Variants in TFIP11 observed in about 807,000 individuals in gnomAD.
TFIP11 encodes tuftelin-interacting protein 11.
A neutral mutation model predicts 96.8 loss-of-function variants in TFIP11; 86 were observed. The ratio of observed to expected loss-of-function variants is 0.89; its 90% CI spans 0.75 to 1.06. The LOEUF (loss-of-function observed/expected upper bound fraction) is 1.06. Among genes scored for constraint, TFIP11 ranks in the 50% least tolerant of loss-of-function variants. TFIP11 has a pLI of 0.00. For missense variants in TFIP11, 881 were observed against 1,076.7 expected (o/e 0.82, Z 2.54); for synonymous variants, 405 against 395.2 (o/e 1.02, Z -0.29).
At chr22:26,498,258 T>C (rs1047494049) in intron 10 of TFIP11, among the ~76,000 whole-genome samples, 7 of 151,958 alleles carry the variant, frequency 4.6e-5, no homozygotes, top group Non-Finnish European at 7.4e-5. Context: ...AGACTACAAA[T>C]TGAACCAGGC....
chr22:26,498,943 C>T lies in TFIP11; in HGVS notation c.1362G>A (p.Lys454=). The change falls in exon 10 of 15, where the codon AAG becomes AAA. Residue 454 remains lysine, a synonymous_variant. Coordinates refer to ENST00000407690, the MANE Select transcript of TFIP11 (RefSeq NM_012143.4). ...DCTYGTEIIS[K]WKSLLENDQL... ...GGTCATTCTCTAGGAGGCTTTTCCA[C>T]TTAGAGATGATCTCGGTGCCATAAG... is the stretch of plus-strand genomic sequence containing the variant. 6.2e-7 allele frequency: 1 copy of T among 1,613,952 alleles called. No individual in the cohort carries two copies. The highest frequency in any genetic ancestry group is 8.5e-7 in the Non-Finnish European group (1 of 1,179,982).
intron 13 of TFIP11, 45 bp from the exon 14 acceptor site, chr22:26,494,349 A>C (rs1323860629): frequency 6.2e-7 from 1 of 1,613,004 alleles, no homozygotes. Context: ...GCAACAAATG[A>C]AGGCAAGATT....
In TFIP11 at chr22:26,512,086, G is replaced by C. The variant is rs1924139351; in HGVS notation, c.-96+13C>G. 6.6e-6 allele frequency: 1 copy of C among 152,190 alleles called. No individual in the cohort carries two copies. The highest frequency in any genetic ancestry group is 1.5e-5 in the Non-Finnish European group (1 of 68,044). 9.4% of individuals were successfully genotyped at this position (152,190 alleles called of 1,614,324 possible). On this transcript the variant is annotated intron_variant, in intron 2 of 14. Transcript: ENST00000407690. ...GATAAGAAAAAGGAGGTTCAGAGAAGTTAGTAACTTACCCTAGGTTCCACT... is the reference window on the plus strand; with the variant it reads ...GATAAGAAAAAGGAGGTTCAGAGAACTTAGTAACTTACCCTAGGTTCCACT...
Position 26,499,574 on chromosome 22 carries a change from G to T in TFIP11, c.859C>A (p.His287Asn). 6.2e-7 allele frequency: 1 copy of T among 1,614,080 alleles called. No individual in the cohort carries two copies. The highest frequency in any genetic ancestry group is 8.5e-7 in the Non-Finnish European group (1 of 1,180,040). Reference sequence around the variant, plus strand: ...CCATCATCGGGAACGTTGTGCTTGTGGCTGATCTGACTGTAGCTGTAGTAG... The same window carrying T: ...CCATCATCGGGAACGTTGTGCTTGTTGCTGATCTGACTGTAGCTGTAGTAG... ...KVYYSYSQIS[H>N]KHNVPDDGLP... Residue 287 changes from histidine to asparagine, a missense_variant, in exon 9 of 15, where the codon CAC (histidine) becomes AAC (asparagine). By Grantham distance (68) the His-to-Asn change is moderately conservative. Transcript: ENST00000407690.
intron 6 of TFIP11, among the ~76,000 whole-genome samples, 185 bp from the exon 7 acceptor site, chr22:26,503,978 C>T (rs1923116587): frequency 6.6e-6 from 1 of 152,156 alleles, no homozygotes; most frequent in Non-Finnish European, 1.5e-5. Context: ...AACTTATGAG[C>T]ATTTATGCTA....
chr22:26,507,375 C>A (rs922302317), intron 4 of TFIP11, among the ~76,000 whole-genome samples: 2 of 151,816 alleles, frequency 1.3e-5, no homozygotes, highest in Non-Finnish European at 2.9e-5. Flanking sequence ...TTATATTAAT[C>A]AAACTTAGAA....
Position 26,499,246 on chromosome 22 carries a change from G to A in TFIP11, c.1187C>T (p.Thr396Ile), listed in dbSNP as rs1021519244. ...GAAGATGCGGGCACACTCGTCCAGG[G>A]TGAGGGGGTTGCTGCAGTCGGGCTG... ...RMQPDCSNPLTLDECARIFET... is the reference protein window; with the variant it reads ...RMQPDCSNPLILDECARIFET... The change falls in exon 9 of 15, where the codon ACC (threonine) becomes ATC (isoleucine). Residue 396 changes from threonine to isoleucine, a missense_variant. By Grantham distance (89) the Thr-to-Ile change is moderately conservative (BLOSUM62 -1). Transcript: ENST00000407690. 5.6e-6 allele frequency: 9 copies of A among 1,613,862 alleles called. No individual in the cohort carries two copies. Among genetic ancestry groups the A allele is most frequent in the Non-Finnish European group, 7.6e-6 (9 of 1,179,954 alleles).
chr22:26,498,877 G>C lies in TFIP11; in HGVS notation c.1428C>G (p.Ala476=). 1 of 1,613,812 alleles carries C rather than the reference G, an allele frequency of 6.2e-7. No homozygotes were observed. Residue 476 remains alanine (A), a synonymous_variant, in exon 10 of 15, where the codon GCC becomes GCG. Coordinates refer to ENST00000407690, the MANE Select transcript of TFIP11 (RefSeq NM_012143.4). ...CCTGCTCTGTGGTGTACCTGTGAAA[G>C]GCATCTGCTGAGAGGTCCTGTCCGC... The part of the protein sequence containing the change: ...SHGGQDLSAD[A]FHRLIWEVWM...
chr22:26,511,798 G>C (rs1473533924), intron 2 of TFIP11: 1 of 152,206 alleles, frequency 6.6e-6, no homozygotes, highest in Non-Finnish European at 1.5e-5. Context: ...TGGTGCACCG[G>C]TTGGGTGCAA....
chr22:26,505,302 A>G (rs1291039997), intron 6 of TFIP11, among the ~76,000 whole-genome samples: 4 of 152,184 alleles, frequency 2.6e-5, no homozygotes, highest in African/African-American at 9.7e-5. Flanking sequence ...AGAAGACAGG[A>G]GGAGACTGGG....
chr22:26,509,673 T>G (rs1259790389), intron 4 of TFIP11, among the ~76,000 whole-genome samples: 1 of 152,068 alleles, frequency 6.6e-6, no homozygotes, highest in Non-Finnish European at 1.5e-5. Context: ...CTGGCCAACA[T>G]GGCAAAACCC....
In TFIP11 at chr22:26,496,650, T is replaced by C. The variant is rs371364875; in HGVS notation, c.1605+71A>G. On this transcript the variant is annotated intron_variant, in intron 11 of 14. Coordinates refer to ENST00000407690, the MANE Select transcript of TFIP11 (RefSeq NM_012143.4). ...TCCAGGCGTTTTAACAGCACTGAGA[T>C]AATGAAGCCACAGACTGAACAAGTC... 388 of 1,556,434 alleles carry C rather than the reference T, an allele frequency of 2.5e-4. 3 individuals are homozygous for C. In the African/African-American group the frequency reaches 4.3e-3, roughly 17 times the overall value.
In TFIP11 at chr22:26,510,235, C is replaced by A. The variant is rs199753073; in HGVS notation, c.38G>T (p.Arg13Leu). Residue 13 changes from arginine (R) to leucine (L), a missense_variant, in exon 4 of 15, where the codon CGC (arginine) becomes CTC (leucine). By Grantham distance (102) the Arg-to-Leu change is moderately radical. Transcript: ENST00000407690. ...CCGCTCGTCATCATCATCATCAATG[C>A]GGCCTTCCCCATCCCGGTATAAGTG... is the stretch of plus-strand genomic sequence containing the variant. ...LSHLYRDGEG[R>L]IDDDDDEREN... 23 of 1,614,114 alleles carry A rather than the reference C, an allele frequency of 1.4e-5. No homozygotes were observed. Among genetic ancestry groups the A allele is most frequent in the Non-Finnish European group, 1.9e-5 (23 of 1,180,040 alleles).
rs74334826 is a variant in TFIP11 at position 26,503,729 on chromosome 22, G to A, written c.585C>T (p.Ser195=). 23,325 of 1,613,864 alleles carry A rather than the reference G, an allele frequency of 0.014. 210 individuals carry two copies. Among genetic ancestry groups the A allele is most frequent in the Non-Finnish European group, 0.017 (20,359 of 1,179,982 alleles). The change falls in exon 7 of 15, where the codon TCC becomes TCT. Residue 195 remains serine (S), a synonymous_variant. Coordinates refer to ENST00000407690, the MANE Select transcript of TFIP11 (RefSeq NM_012143.4). The stretch of plus-strand genomic sequence containing the variant: ...CTTGCATGGACTGAGTGGTGCGCTC[G>A]GATCCATAAGCCCCCACAGCACCTT... ...KGKGAVGAYG[S]ERTTQSMQDF...
chr22:26,503,942 C>T (rs1014462858), intron 6 of TFIP11, 149 bp from the exon 7 acceptor site: 9 of 1,027,796 alleles, frequency 8.8e-6, no homozygotes, highest in African/African-American at 6.4e-5. Flanking sequence ...GCCCTCAGAA[C>T]ACTACTCTTG....
chr22:26,511,915 G>C (rs1412678140), intron 2 of TFIP11, 184 bp downstream of exon 2: 2 of 152,242 alleles, frequency 1.3e-5, no homozygotes, highest in African/African-American at 4.8e-5. Flanking sequence ...CGTGGGCATA[G>C]TAAATGGTAA....
In TFIP11 at chr22:26,510,716, T is replaced by G. The variant is rs1923956336; in HGVS notation, c.-95-14A>C. The stretch of plus-strand genomic sequence containing the variant: ...TCCTTGGTGGTCCTAGGAGAGTGAT[T>G]TTTTTTAGAATATGCTTTTTGAAAT... On this transcript the variant is annotated splice_polypyrimidine_tract_variant and intron_variant, in intron 2 of 14. Transcript: ENST00000407690. 6.4e-6 allele frequency: 1 copy of G among 156,206 alleles called. No individual in the cohort carries two copies. The highest frequency in any genetic ancestry group is 1.4e-5 in the Non-Finnish European group (1 of 70,576). 9.7% of individuals were successfully genotyped at this position (156,206 alleles called of 1,614,324 possible). A position where few individuals can be genotyped will look rare whatever the true frequency, so the allele number is the denominator to read the frequency against.
chr22:26,509,406 TCCTCATGTC>T (rs1251145192), intron 4 of TFIP11, among the ~76,000 whole-genome samples: 1 of 152,230 alleles, frequency 6.6e-6, no homozygotes, highest in East Asian at 1.9e-4. Context: ...CTCCCTCATG[TCCTCATGTC>T]CCTCATGTCC....
chr22:26,493,590 C>T (rs1921506332), intron 14 of TFIP11: 1 of 154,180 alleles, frequency 6.5e-6, no homozygotes, highest in South Asian at 2.0e-4. Flanking sequence ...TTACCTAGAA[C>T]TTGGGAACAG....
Sources: gnomAD v4.1 joint callset for allele counts (sites outside exome capture counted in the v4.1 genomes callset) on GRCh38, gnomAD v4.1.1 for gene constraint, MANE v1.5 for transcripts, NCBI Gene and HGNC (gene_info 2026-07-23, HGNC 2026-07-21) for gene names.